The following PSD3 variants were observed in gnomAD, a reference collection of about 807,000 sequenced individuals.
The protein encoded by PSD3 is pleckstrin and Sec7 domain containing 3.
In PSD3, 49 loss-of-function variants were observed where a neutral mutation model predicts 105.5. The observed-to-expected ratio is 0.46, with a 90% CI of 0.37 to 0.59. PSD3 has a LOEUF of 0.59. Among genes scored for constraint, PSD3 ranks in the 20% least tolerant of loss-of-function variants. The pLI is 0.00. For synonymous variants in PSD3, 557 were observed against 457.8 expected, an observed-to-expected ratio of 1.22 and a Z score of -2.77; for missense variants, 1,561 against 1,263.8, an observed-to-expected ratio of 1.24 and a Z score of -3.57.
intron 15 of PSD3, among the ~76,000 whole-genome samples, chr8:18,539,135 G>A (rs185300201): frequency 3.8e-4 from 58 of 152,322 alleles, no homozygotes; most frequent in Admixed American, 2.0e-3. Context: ...TTAGGAAAAC[G>A]TAACTTTAAC....
chr8:18,736,880 A>G (rs1484908572), intron 9 of PSD3, among the ~76,000 whole-genome samples: 3 of 152,236 alleles, frequency 2.0e-5, no homozygotes, highest in Non-Finnish European at 4.4e-5. Flanking sequence ...AAGCTTTCTG[A>G]TGGCAATGAG....
At chr8:18,635,860 A>C (rs1431877195) in intron 10 of PSD3, among the ~76,000 whole-genome samples, 1 of 151,352 alleles carries the variant, frequency 6.6e-6, no homozygotes, top group Non-Finnish European at 1.5e-5. Context: ...CAAGGAGGGG[A>C]ACATCATACA....
intron 11 of PSD3, among the ~76,000 whole-genome samples, chr8:18,615,810 C>T (rs1805617855): frequency 6.6e-6 from 1 of 152,184 alleles, no homozygotes; most frequent in Non-Finnish European, 1.5e-5. Context: ...ACCTCTGAAG[C>T]ACCCCAGAAG....
intron 9 of PSD3, among the ~76,000 whole-genome samples, chr8:18,723,182 C>T (rs1803118040): frequency 6.6e-6 from 1 of 152,120 alleles, no homozygotes; most frequent in African/African-American, 2.4e-5. Flanking sequence ...TGCATGAACC[C>T]AGGAGCACAT....
chr8:18,868,007 G>A lies in PSD3; in HGVS notation c.1301C>T (p.Thr434Met), dbSNP rs1245242816. The A allele has an allele frequency of 2.2e-5, 36 of 1,613,964 alleles. No individual in the cohort carries two copies. Among genetic ancestry groups the A allele is most frequent in the East Asian group, 6.7e-5 (3 of 44,898 alleles). Reference sequence around the variant, plus strand: ...GCTGTACACGTCGGTGGAGTCCTCCGTATATCCAGGCCCAAGGATGTCTTC... The same window carrying A: ...GCTGTACACGTCGGTGGAGTCCTCCATATATCCAGGCCCAAGGATGTCTTC... The part of the protein sequence containing the change: ...EDEDILGPGY[T>M]EDSTDVYSSQ... Residue 434 changes from threonine (T) to methionine (M), a missense_variant, in exon 4 of 16, where the codon ACG becomes ATG. By Grantham distance (81) the Thr-to-Met change is moderately conservative. Coordinates refer to ENST00000327040, the MANE Select transcript of PSD3 (RefSeq NM_015310.4).
At chr8:19,081,619 C>T (rs778963024) in intron 1 of PSD3, among the ~76,000 whole-genome samples, 12 of 152,176 alleles carry the variant, frequency 7.9e-5, no homozygotes, top group East Asian at 1.9e-4. Flanking sequence ...GGTCACAGAA[C>T]GCTCTGATTA....
At chr8:19,007,911 C>T (rs1291801963) in intron 1 of PSD3, among the ~76,000 whole-genome samples, 2 of 152,148 alleles carry the variant, frequency 1.3e-5, no homozygotes, top group Admixed American at 1.3e-4. Flanking sequence ...GGCACAATCT[C>T]TGCTCACTGC....
intron 1 of PSD3, among the ~76,000 whole-genome samples, chr8:18,955,971 T>C (rs559730168): frequency 1.3e-5 from 2 of 152,054 alleles, no homozygotes; most frequent in Non-Finnish European, 2.9e-5. Flanking sequence ...TTTCACCATG[T>C]TGGCCAGGCT....
chr8:18,857,906 TCAGGCA>T (rs1816146034), intron 4 of PSD3, among the ~76,000 whole-genome samples: 1 of 152,124 alleles, frequency 6.6e-6, no homozygotes, highest in Admixed American at 6.5e-5. Context: ...AAATAGAGCG[TCAGGCA>T]CAGGCATAAG....
At chr8:18,825,855 G>T (rs533873647) in intron 4 of PSD3, among the ~76,000 whole-genome samples, 3 of 152,066 alleles carry the variant, frequency 2.0e-5, no homozygotes, top group Non-Finnish European at 4.4e-5. Flanking sequence ...AAGTTCTTCC[G>T]TATTTCCCCC....
intron 9 of PSD3, among the ~76,000 whole-genome samples, chr8:18,659,230 A>C (rs932057125): frequency 6.6e-6 from 1 of 152,196 alleles, no homozygotes; most frequent in Non-Finnish European, 1.5e-5. Context: ...TACTAGAGAA[A>C]ATTAAACAAT....
intron 8 of PSD3, among the ~76,000 whole-genome samples, chr8:18,790,058 T>C (rs1809554429): frequency 6.6e-6 from 1 of 151,538 alleles, no homozygotes. Flanking sequence ...CTACCAAAAG[T>C]GGGAGGCTAG....
intron 9 of PSD3, among the ~76,000 whole-genome samples, chr8:18,755,610 A>G (rs1805971640): frequency 6.6e-6 from 1 of 152,278 alleles, no homozygotes; most frequent in East Asian, 1.9e-4. Context: ...GGAATCATTA[A>G]TATTCCATTA....
intron 9 of PSD3, among the ~76,000 whole-genome samples, chr8:18,688,057 C>G (rs1356237070): frequency 6.6e-6 from 1 of 152,154 alleles, no homozygotes; most frequent in African/African-American, 2.4e-5. Context: ...ATGTGAGCCA[C>G]TACGCTTGGT....
At chr8:18,918,837 A>G (rs760632957) in intron 2 of PSD3, among the ~76,000 whole-genome samples, 1 of 151,964 alleles carries the variant, frequency 6.6e-6, no homozygotes, top group Non-Finnish European at 1.5e-5. Context: ...CTGTACCTGT[A>G]CCGTGCCCCT....
rs564116257 is a variant in PSD3, at chr8:18,791,726, A to T, written c.2082+7569T>A. On this transcript the variant is annotated intron_variant, in intron 8 of 15. Transcript: ENST00000327040. ...ATTGGAATAAAAGCAAAAATTGACA[A>T]ACGGGATCCAATCAAACTGAACAGC... Among the ~76,000 whole-genome samples, 5 of 152,366 alleles carry T rather than the reference A, an allele frequency of 3.3e-5. No homozygotes were observed. The South Asian group carries it at 1.0e-3, about 32-fold the overall frequency.
intron 15 of PSD3, among the ~76,000 whole-genome samples, chr8:18,543,812 G>T (rs1800287003): frequency 6.6e-6 from 1 of 152,130 alleles, no homozygotes. Flanking sequence ...TTGAAAAGTA[G>T]TTTAATCATA....
chr8:18,717,063 A>G (rs1379855630), intron 9 of PSD3, among the ~76,000 whole-genome samples: 1 of 152,206 alleles, frequency 6.6e-6, no homozygotes, highest in East Asian at 1.9e-4. Flanking sequence ...GATTCTTCCT[A>G]GTTAGAAACA....
intron 8 of PSD3, among the ~76,000 whole-genome samples, chr8:18,796,398 T>A (rs948279281): frequency 6.6e-6 from 1 of 152,094 alleles, no homozygotes; most frequent in Non-Finnish European, 1.5e-5. Flanking sequence ...CCTCTGATCC[T>A]TACCCAAATG....
Sources: gnomAD v4.1 joint callset for allele counts (sites outside exome capture counted in the v4.1 genomes callset) on GRCh38, gnomAD v4.1.1 for gene constraint, MANE v1.5 for transcripts, NCBI Gene and HGNC (gene_info 2026-07-23, HGNC 2026-07-21) for gene names.